Variants in RTN1 observed in about 807,000 individuals in gnomAD.
RTN1 encodes reticulon-1.
RTN1 carries 25 observed loss-of-function variants against 65.5 expected under a neutral mutation model. That is an observed-to-expected ratio of 0.38 (90% CI 0.28 to 0.53). The LOEUF (loss-of-function observed/expected upper bound fraction) is 0.53. Ranked by LOEUF, RTN1 falls within the 20% of genes least tolerant of loss-of-function variation. RTN1 has a pLI of 0.79. For synonymous variants in RTN1, 471 were observed against 447.6 expected, an observed-to-expected ratio of 1.05 and a Z score of -0.66; for missense variants, 983 against 1,025.4, an observed-to-expected ratio of 0.96 and a Z score of 0.57.
chr14:59,630,397 C>T (rs781416376), intron 3 of RTN1: 2 of 1,611,692 alleles, frequency 1.2e-6, no homozygotes, highest in South Asian at 1.1e-5. Context: ...GTCCAGGTCC[C>T]GGGTTTCCCG....
At chr14:59,842,603 C>A (rs1198124848) in intron 1 of RTN1, among the ~76,000 whole-genome samples, 4 of 151,998 alleles carry the variant, frequency 2.6e-5, no homozygotes, top group Non-Finnish European at 5.9e-5. Flanking sequence ...AATATGAAAA[C>A]CACTATCTAT....
rs574541670 is a variant in RTN1 at position 59,810,358 on chromosome 14, C to G, written c.241+60032G>C. Among the ~76,000 whole-genome samples, 3 of 152,130 alleles carry G rather than the reference C, an allele frequency of 2.0e-5. No individual in the cohort carries two copies. In the South Asian group the frequency reaches 6.2e-4, roughly 32 times the overall value. ...GTGTGCAGCGTCCATGTGGGCTGCT[C>G]TATTGCCTGCATATTATTTGGGGGT... On this transcript the variant is annotated intron_variant, in intron 1 of 8. Coordinates refer to ENST00000267484, the MANE Select transcript of RTN1 (RefSeq NM_021136.3).
intron 1 of RTN1, among the ~76,000 whole-genome samples, chr14:59,857,928 C>G (rs1231054736): frequency 1.3e-5 from 2 of 152,168 alleles, no homozygotes; most frequent in South Asian, 4.1e-4. Context: ...TCCCCATACT[C>G]AGACTGCCTT....
chr14:59,744,683 GA>G (rs1478692192), intron 2 of RTN1, among the ~76,000 whole-genome samples: 3 of 152,110 alleles, frequency 2.0e-5, no homozygotes, highest in Non-Finnish European at 2.9e-5. Flanking sequence ...GGGAAGGGAG[GA>G]GTTTGCTTTG....
At chr14:59,726,307 G>A (rs1047550326) in intron 3 of RTN1, among the ~76,000 whole-genome samples, 5 of 152,174 alleles carry the variant, frequency 3.3e-5, no homozygotes, top group African/African-American at 1.2e-4. Context: ...CTTTAAAAGT[G>A]AATGAATCAC....
At chr14:59,723,553 C>T (rs1487130840) in intron 3 of RTN1, among the ~76,000 whole-genome samples, 1 of 152,036 alleles carries the variant, frequency 6.6e-6, no homozygotes, top group Non-Finnish European at 1.5e-5. Flanking sequence ...GGAGGCGGAG[C>T]TTGCAGTGAG....
intron 3 of RTN1, among the ~76,000 whole-genome samples, chr14:59,627,936 C>A (rs1882443189): frequency 6.6e-6 from 1 of 152,122 alleles, no homozygotes; most frequent in Admixed American, 6.6e-5. Context: ...GTTGCACTGA[C>A]CTTTTTCCAC....
chr14:59,767,434 C>A (rs1389537709), intron 1 of RTN1, among the ~76,000 whole-genome samples: 2 of 152,304 alleles, frequency 1.3e-5, no homozygotes, highest in Middle Eastern at 6.8e-3. Flanking sequence ...CTGGTACAGA[C>A]ACTTACCTGA....
intron 3 of RTN1, among the ~76,000 whole-genome samples, chr14:59,674,122 A>G (rs1368520931): frequency 1.3e-5 from 2 of 152,168 alleles, no homozygotes; most frequent in South Asian, 2.1e-4. Flanking sequence ...TCAGTTTTCA[A>G]TGTCCCTGTT....
chr14:59,598,327 G>A (rs1595104823), intron 8 of RTN1, among the ~76,000 whole-genome samples: 5 of 152,272 alleles, frequency 3.3e-5, no homozygotes, highest in Admixed American at 3.3e-4. Flanking sequence ...GAGGAACCAG[G>A]TGAAAATGCC....
chr14:59,849,461 C>T lies in RTN1; in HGVS notation c.241+20929G>A, dbSNP rs1463778767. Among the ~76,000 whole-genome samples, 1 of 152,138 alleles carries T rather than the reference C, an allele frequency of 6.6e-6. No individual in the cohort carries two copies. Among genetic ancestry groups the T allele is most frequent in the African/African-American group, 2.4e-5 (1 of 41,430 alleles). On this transcript the variant is annotated intron_variant, in intron 1 of 8. Transcript: ENST00000267484. This position sits in a 1 kb window ranked among gnomAD's most constrained non-coding sequence, Gnocchi z 4.5. The stretch of plus-strand genomic sequence containing the variant: ...GCATAAGAGAAAAAGTATATAAATA[C>T]ACCCCTATATCTGAGGGAAAACCCT...
rs556953751 is a variant in RTN1, at chr14:59,762,104, T to C, written c.242-15623A>G. Among the ~76,000 whole-genome samples, 13 of 152,082 alleles carry C rather than the reference T, an allele frequency of 8.5e-5. No individual in the cohort carries two copies. The South Asian group carries it at 2.3e-3, about 27-fold the overall frequency. ...CTGTGGCAAGACGTGACAGGGAGCATGGGATGATGCAGCAGGGCATGGCAT... is the reference window on the plus strand; with the variant it reads ...CTGTGGCAAGACGTGACAGGGAGCACGGGATGATGCAGCAGGGCATGGCAT... On this transcript the variant is annotated intron_variant, in intron 1 of 8. Transcript: ENST00000267484.
chr14:59,683,761 G>C (rs1883789695), intron 3 of RTN1, among the ~76,000 whole-genome samples: 2 of 152,022 alleles, frequency 1.3e-5, no homozygotes, highest in South Asian at 4.1e-4. Context: ...TTGGTTTCAG[G>C]TAGTTGACCT....
intron 3 of RTN1, among the ~76,000 whole-genome samples, chr14:59,617,142 G>A (rs991870977): frequency 2.6e-5 from 4 of 152,308 alleles, no homozygotes; most frequent in South Asian, 2.1e-4. Context: ...GAAATGGCAC[G>A]CTTCCTTTAA....
At chr14:59,748,894 A>G (rs1264900158) in intron 1 of RTN1, among the ~76,000 whole-genome samples, 1 of 151,714 alleles carries the variant, frequency 6.6e-6, no homozygotes, top group African/African-American at 2.4e-5. Context: ...GGTTCAAGCA[A>G]TTCTCTTGCC....
intron 1 of RTN1, among the ~76,000 whole-genome samples, chr14:59,860,656 G>A (rs1887692243): frequency 6.6e-6 from 1 of 152,194 alleles, no homozygotes; most frequent in African/African-American, 2.4e-5. Context: ...AAAAGAGCCA[G>A]GAGGGAGGCT....
intron 1 of RTN1, among the ~76,000 whole-genome samples, chr14:59,776,202 G>A (rs1211857778): frequency 1.3e-5 from 2 of 152,084 alleles, no homozygotes; most frequent in Admixed American, 6.6e-5. Context: ...GTCCCCCAAA[G>A]TTCATGTGTT....
chr14:59,605,364 A>G lies in RTN1; in HGVS notation c.2112+4T>C, dbSNP rs751376066. 12 of 1,613,526 alleles carry G rather than the reference A, an allele frequency of 7.4e-6. No individual in the cohort carries two copies. Among genetic ancestry groups the G allele is most frequent in the Non-Finnish European group, 1.0e-5 (12 of 1,179,728 alleles). On this transcript the variant is annotated splice_donor_region_variant and intron_variant, in intron 5 of 8. Coordinates refer to ENST00000267484, the MANE Select transcript of RTN1 (RefSeq NM_021136.3). ...TGTGAAGTGAACAGCTTAAGCAACTATACTTTTAAGGAATCCACCAGGTCC... is the reference window on the plus strand; with the variant it reads ...TGTGAAGTGAACAGCTTAAGCAACTGTACTTTTAAGGAATCCACCAGGTCC...
intron 3 of RTN1, among the ~76,000 whole-genome samples, chr14:59,667,028 G>T (rs532053232): frequency 1.3e-4 from 19 of 148,458 alleles, no homozygotes; most frequent in Admixed American, 4.0e-4. Context: ...TCTACCAGAG[G>T]TACAAAGAGG....
Sources: allele counts gnomAD v4.1 joint callset (sites outside exome capture counted in the v4.1 genomes callset), GRCh38; gene constraint gnomAD v4.1.1; non-coding constraint Gnocchi (gnomAD v3.1); transcripts MANE v1.5; gene names NCBI Gene and HGNC (gene_info 2026-07-23, HGNC 2026-07-21).